The following MRRF variants were observed in gnomAD, a reference collection of about 807,000 sequenced individuals.
MRRF encodes the protein mitochondrial ribosome recycling factor.
MRRF carries 18 observed loss-of-function variants against 25.1 expected under a neutral mutation model. The observed-to-expected ratio is 0.72, with a 90% confidence interval of 0.50 to 1.06. MRRF has a LOEUF of 1.06. Among genes scored for constraint, MRRF ranks in the 50% least tolerant of loss-of-function variants. MRRF has a pLI of 0.00. For synonymous variants in MRRF, 113 were observed against 112.1 expected (o/e 1.01, Z -0.05); for missense variants, 323 against 319.3 (o/e 1.01, Z -0.09).
chr9:122,310,647 T>C lies in MRRF; in HGVS notation c.552-2580T>C, dbSNP rs116121849. 9.2e-3 allele frequency among the ~76,000 whole-genome samples: 1,398 copies of C among 152,328 alleles called. 23 individuals carry two copies. The highest frequency in any genetic ancestry group is 0.031 in the African/African-American group (1,307 of 41,560). On this transcript the variant is annotated intron_variant, in intron 5 of 6. Coordinates refer to ENST00000344641, the MANE Select transcript of MRRF (RefSeq NM_138777.5). ...TGTCTCCACCACTAGTCTGAGCCTC[T>C]GGAAAAGGTGGGCCAGGTCTGCCTC...
rs1250003290 is a variant in MRRF at position 122,325,300 on chromosome 9, G to A, written c.*2683G>A. ...AATAAAGGAAAACCTCGAGCCCAGGGCAGTCAGACAGCTCAGCAAATGGCT... is the reference window on the plus strand; with the variant it reads ...AATAAAGGAAAACCTCGAGCCCAGGACAGTCAGACAGCTCAGCAAATGGCT... On this transcript the variant is annotated 3_prime_UTR_variant, in exon 7 of 7. Coordinates refer to ENST00000344641, the MANE Select transcript of MRRF (RefSeq NM_138777.5). The A allele has an allele frequency of 6.6e-6, 1 of 152,164 alleles. No homozygotes were observed. Among genetic ancestry groups the A allele is most frequent in the African/African-American group, 2.4e-5 (1 of 41,444 alleles). The allele number at this position is 152,164 out of a possible 1,614,324, so 9.4% of individuals were successfully genotyped here. A position where few individuals can be genotyped will look rare whatever the true frequency, so the allele number is the denominator to read the frequency against.
chr9:122,280,294 TA>T, intron 2 of MRRF, 148 bp from the exon 3 acceptor site: 1 of 830,186 alleles, frequency 1.2e-6, no homozygotes, highest in South Asian at 1.5e-5. Context: ...ACTCAGTTAA[TA>T]TAGGCTCTTT....
chr9:122,286,436 G>C (rs1833414478), intron 4 of MRRF, among the ~76,000 whole-genome samples: 1 of 152,156 alleles, frequency 6.6e-6, no homozygotes. Context: ...CAGGCGTGGT[G>C]GCTCATGCCT....
chr9:122,303,612 T>G (rs1478316240), intron 5 of MRRF, among the ~76,000 whole-genome samples: 1 of 152,162 alleles, frequency 6.6e-6, no homozygotes, highest in East Asian at 1.9e-4. Flanking sequence ...GCTCCTGGGC[T>G]CAAGCAATCC....
intron 5 of MRRF, among the ~76,000 whole-genome samples, chr9:122,296,137 C>T (rs150362936): frequency 5.9e-5 from 9 of 152,058 alleles, no homozygotes; most frequent in South Asian, 2.1e-4. Flanking sequence ...TGGCTGTTTG[C>T]GAGTTTTTTT....
At chr9:122,306,110 C>G (rs1030207330) in intron 5 of MRRF, among the ~76,000 whole-genome samples, 2 of 152,210 alleles carry the variant, frequency 1.3e-5, no homozygotes, top group Non-Finnish European at 2.9e-5. Context: ...GGCTTGTAGC[C>G]ACTATGCTGT....
At position 122,326,048 on chromosome 9, in the gene MRRF, C is replaced by T. The variant is rs1407185910; in HGVS notation, c.*3431C>T. The T allele has an allele frequency of 6.6e-6, 1 of 151,306 alleles. No homozygotes were observed. The highest frequency in any genetic ancestry group is 1.5e-5 in the Non-Finnish European group (1 of 67,942). The allele number at this position is 151,306 out of a possible 1,614,324, so 9.4% of individuals were successfully genotyped here. A position where few individuals can be genotyped will look rare whatever the true frequency, so the allele number is the denominator to read the frequency against. The stretch of plus-strand genomic sequence containing the variant: ...ACCTGGCCTCAAGCGGTCCTTCTGC[C>T]TCAGCCTCCCAAAGCGCTGGGATTA... On this transcript the variant is annotated 3_prime_UTR_variant, in exon 7 of 7. Coordinates refer to ENST00000344641, the MANE Select transcript of MRRF (RefSeq NM_138777.5).
chr9:122,291,175 A>C (rs1201377003), intron 4 of MRRF, among the ~76,000 whole-genome samples: 1 of 152,190 alleles, frequency 6.6e-6, no homozygotes, highest in Non-Finnish European at 1.5e-5. Context: ...ATGTGAACTG[A>C]GATCTTTCTG....
At chr9:122,319,092 A>C (rs1231639894) in intron 6 of MRRF, among the ~76,000 whole-genome samples, 2 of 151,582 alleles carry the variant, frequency 1.3e-5, no homozygotes, top group African/African-American at 4.9e-5. Context: ...CAAACTGGCC[A>C]TTAAGGTGGG....
Position 122,327,885 on chromosome 9 carries a change from T to C in MRRF, c.*5268T>C, listed in dbSNP as rs558613955. ...TAGGTGTTTCTTTTTTTTTTTGGAA[T>C]TGGGTTTTGTTCGATGAACCATTCT... is the stretch of plus-strand genomic sequence containing the variant. On this transcript the variant is annotated 3_prime_UTR_variant, in exon 7 of 7. Coordinates refer to ENST00000344641, the MANE Select transcript of MRRF (RefSeq NM_138777.5). 6.6e-6 allele frequency: 1 copy of C among 152,184 alleles called. No homozygotes were observed. Among genetic ancestry groups the C allele is most frequent in the Admixed American group, 6.5e-5 (1 of 15,296 alleles). 9.4% of individuals were successfully genotyped at this position (152,184 alleles called of 1,614,324 possible).
At chr9:122,299,524 G>A (rs1431855904) in intron 5 of MRRF, among the ~76,000 whole-genome samples, 8 of 152,064 alleles carry the variant, frequency 5.3e-5, no homozygotes, top group Non-Finnish European at 1.0e-4. Context: ...ACAGATGTGG[G>A]CTAGAGAGAT....
At chr9:122,287,638 A>C (rs1057341478) in intron 4 of MRRF, among the ~76,000 whole-genome samples, 5 of 152,236 alleles carry the variant, frequency 3.3e-5, no homozygotes, top group Admixed American at 6.5e-5. Flanking sequence ...AGAGCATCTT[A>C]TGAAGCAGGA....
chr9:122,270,826 C>A (rs780309539), intron 1 of MRRF, 38 bp from the exon 2 acceptor site: 76 of 1,544,830 alleles, frequency 4.9e-5, no homozygotes, highest in Non-Finnish European at 6.5e-5. Flanking sequence ...GTACTTAGAT[C>A]TTTTACTTAG....
intron 5 of MRRF, 92 bp downstream of exon 5, chr9:122,291,932 A>G (rs1050238012): frequency 4.6e-6 from 4 of 864,928 alleles, no homozygotes; most frequent in Non-Finnish European, 8.0e-6. Flanking sequence ...CGTTAGGCCA[A>G]TAACATACCT....
intron 5 of MRRF, among the ~76,000 whole-genome samples, chr9:122,311,689 T>C (rs1835215359): frequency 6.6e-6 from 1 of 152,220 alleles, no homozygotes; most frequent in Admixed American, 6.5e-5. Flanking sequence ...TCAGATAATT[T>C]TTTTTCTTTG....
chr9:122,297,656 T>C (rs570726471), intron 5 of MRRF, among the ~76,000 whole-genome samples: 1 of 152,310 alleles, frequency 6.6e-6, no homozygotes, highest in South Asian at 2.1e-4. Flanking sequence ...GCCTACTTCC[T>C]GTTCTGCTGG....
intron 3 of MRRF, among the ~76,000 whole-genome samples, chr9:122,283,278 A>G (rs1228280243): frequency 6.6e-6 from 1 of 152,092 alleles, no homozygotes; most frequent in Non-Finnish European, 1.5e-5. Flanking sequence ...TATTTTTAGT[A>G]GAGACAAGGT....
chr9:122,312,426 T>C (rs529686665), intron 5 of MRRF, among the ~76,000 whole-genome samples: 1 of 152,372 alleles, frequency 6.6e-6, no homozygotes, highest in East Asian at 1.9e-4. Flanking sequence ...TTCTTTAATT[T>C]TTTTTCTCAG....
chr9:122,295,391 A>G (rs1834022370), intron 5 of MRRF, among the ~76,000 whole-genome samples: 1 of 151,758 alleles, frequency 6.6e-6, no homozygotes, highest in South Asian at 2.1e-4. Context: ...TCATATCTTA[A>G]GTTGGGACTT....
Sources: gnomAD v4.1 joint callset for allele counts (sites outside exome capture counted in the v4.1 genomes callset) on GRCh38, gnomAD v4.1.1 for gene constraint, MANE v1.5 for transcripts, NCBI Gene and HGNC (gene_info 2026-07-23, HGNC 2026-07-21) for gene names.